The following ABR variants were observed in gnomAD, a reference collection of about 807,000 sequenced individuals.
ABR encodes the protein ABR activator of RhoGEF and GTPase.
Under a neutral mutation model 107.2 loss-of-function variants are expected in ABR, and 35 were observed. The observed-to-expected ratio is 0.33, with a 90% CI of 0.25 to 0.43. The LOEUF is 0.43. ABR is among the 20% of genes least tolerant of loss of function. The probability of loss-of-function intolerance (pLI) is 1.00; values close to 1 mark genes in which losing one functional copy is unlikely to be tolerated. For synonymous variants in ABR, 498 were observed against 462.0 expected (o/e 1.08, Z -1.00); for missense variants, 815 against 1,115.2 (o/e 0.73, Z 3.83).
intron 1 of ABR, among the ~76,000 whole-genome samples, chr17:1,192,996 C>T (rs528405710): frequency 1.1e-3 from 164 of 152,224 alleles, no homozygotes; most frequent in African/African-American, 3.8e-3. Context: ...TGTAGTGAGC[C>T]GAGATTGCGC....
At chr17:1,075,132 G>A (rs1404032307) in intron 6 of ABR, among the ~76,000 whole-genome samples, 1 of 152,236 alleles carries the variant, frequency 6.6e-6, no homozygotes, top group Non-Finnish European at 1.5e-5. Flanking sequence ...GAGGATGGCT[G>A]GGATTCAGCA....
intron 4 of ABR, among the ~76,000 whole-genome samples, chr17:1,085,218 T>C (rs2036518894): frequency 6.7e-6 from 1 of 149,412 alleles, no homozygotes; most frequent in Admixed American, 6.7e-5. Flanking sequence ...GTTCGCGCCA[T>C]TCTCCTGCCT....
At chr17:1,087,457 C>A (rs532389704) in intron 4 of ABR, among the ~76,000 whole-genome samples, 1 of 151,982 alleles carries the variant, frequency 6.6e-6, no homozygotes, top group East Asian at 1.9e-4. Flanking sequence ...TGGGGACGCC[C>A]GGCGTGACGC....
intron 1 of ABR, among the ~76,000 whole-genome samples, chr17:1,156,676 T>A (rs1317554270): frequency 1.3e-5 from 2 of 151,838 alleles, no homozygotes; most frequent in Non-Finnish European, 2.9e-5. Context: ...AGAGAGAGAC[T>A]CTGTCTCAAA....
chr17:1,140,620 T>C (rs2040248286), intron 1 of ABR, among the ~76,000 whole-genome samples: 1 of 152,072 alleles, frequency 6.6e-6, no homozygotes, highest in Non-Finnish European at 1.5e-5. Context: ...TCTCAATCTG[T>C]CACCCAGGCT....
intron 1 of ABR, among the ~76,000 whole-genome samples, chr17:1,140,729 C>A (rs1339479646): frequency 6.6e-6 from 1 of 152,036 alleles, no homozygotes; most frequent in Admixed American, 6.6e-5. Flanking sequence ...ATCACAGGCA[C>A]CCGCCACCAT....
At chr17:1,219,490 T>A (rs1340842463) in intron 1 of ABR, among the ~76,000 whole-genome samples, 1 of 150,614 alleles carries the variant, frequency 6.6e-6, no homozygotes, top group Non-Finnish European at 1.5e-5. Context: ...ATGATGTGCA[T>A]CTGGATTTAT....
chr17:1,068,553 A>C (rs2034952477), intron 9 of ABR, among the ~76,000 whole-genome samples: 1 of 152,240 alleles, frequency 6.6e-6, no homozygotes, highest in Non-Finnish European at 1.5e-5. Flanking sequence ...CTCAGCCGTG[A>C]GAAGGGGTGT....
chr17:1,136,009 A>C (rs1471617873), intron 1 of ABR, among the ~76,000 whole-genome samples: 1 of 151,910 alleles, frequency 6.6e-6, no homozygotes, highest in Non-Finnish European at 1.5e-5. Context: ...CATTACTCCT[A>C]AAGTCCCTGG....
At chr17:1,165,464 T>A (rs1257418924) in intron 1 of ABR, among the ~76,000 whole-genome samples, 1 of 152,202 alleles carries the variant, frequency 6.6e-6, no homozygotes, top group Non-Finnish European at 1.5e-5. Flanking sequence ...AGGAGGAAAC[T>A]CAGGAAGCTC....
chr17:1,030,146 C>G (rs1435639083), intron 16 of ABR, among the ~76,000 whole-genome samples: 2 of 152,224 alleles, frequency 1.3e-5, no homozygotes, highest in Non-Finnish European at 2.9e-5. Flanking sequence ...AGAGGCAAAC[C>G]CAGCTAAGGA....
chr17:1,190,463 G>A (rs1255453681), upstream of ABR, among the ~76,000 whole-genome samples: 3 of 152,138 alleles, frequency 2.0e-5, no homozygotes, highest in African/African-American at 2.4e-5. Flanking sequence ...GTGAAACCCC[G>A]TCTCTACTAA....
Position 1,129,765 on chromosome 17 carries a change from G to A in ABR, c.62-4398C>T, listed in dbSNP as rs187075114. Among the ~76,000 whole-genome samples, 438 of 152,264 alleles carry A rather than the reference G, an allele frequency of 2.9e-3. 3 individuals are homozygous for A. Among genetic ancestry groups the A allele is most frequent in the African/African-American group, 0.01 (423 of 41,554 alleles). ...AGTTCAAGAACAGCCTGGCCAACATGGTGAAACCCCCTCTCTACTAAAAAT... is the reference window on the plus strand; with the variant it reads ...AGTTCAAGAACAGCCTGGCCAACATAGTGAAACCCCCTCTCTACTAAAAAT... On this transcript the variant is annotated intron_variant, in intron 1 of 22. Transcript: ENST00000302538.
chr17:1,077,961 C>A (rs2035864768), intron 6 of ABR, among the ~76,000 whole-genome samples: 1 of 152,166 alleles, frequency 6.6e-6, no homozygotes, highest in Admixed American at 6.5e-5. Context: ...GGCTTCTGGA[C>A]ACCTCCCTAC....
intron 1 of ABR, among the ~76,000 whole-genome samples, chr17:1,203,098 C>G (rs1598118721): frequency 6.6e-6 from 1 of 152,106 alleles, no homozygotes; most frequent in Non-Finnish European, 1.5e-5. Context: ...GTTGGCCAGG[C>G]TGGTCTCGAA....
At chr17:1,062,074 T>A (rs2044194) in intron 10 of ABR, among the ~76,000 whole-genome samples, 104,244 of 151,896 alleles carry the variant, frequency 0.69, 36,094 homozygotes, top group East Asian at 0.85. Context: ...TTCCCAGGGG[T>A]GGTGAGGCCT....
intron 3 of ABR, among the ~76,000 whole-genome samples, 158 bp downstream of exon 3, chr17:1,100,479 C>T (rs1480565430): frequency 2.0e-5 from 3 of 152,342 alleles, no homozygotes; most frequent in East Asian, 3.9e-4. Flanking sequence ...CCGGGCTGCC[C>T]GATGCCCAGC....
chr17:1,101,604 T>C (rs912657362), intron 2 of ABR, among the ~76,000 whole-genome samples: 1 of 152,228 alleles, frequency 6.6e-6, no homozygotes, highest in Non-Finnish European at 1.5e-5. Flanking sequence ...CTGGGCTATG[T>C]GTCCATTTAT....
intron 16 of ABR, among the ~76,000 whole-genome samples, chr17:1,039,385 G>A (rs1418816038): frequency 1.2e-4 from 19 of 152,216 alleles, no homozygotes; most frequent in Non-Finnish European, 4.4e-5. Context: ...GATGGAGGCA[G>A]CTGAGCAGGG....
Sources: gnomAD v4.1 joint callset for allele counts (sites outside exome capture counted in the v4.1 genomes callset) on GRCh38, gnomAD v4.1.1 for gene constraint, MANE v1.5 for transcripts, NCBI Gene and HGNC (gene_info 2026-07-23, HGNC 2026-07-21) for gene names.